DDX56: variants seen among roughly 807,000 people sequenced by gnomAD.
The protein encoded by DDX56 is DEAD-box helicase 56, also known as probable ATP-dependent RNA helicase DDX56.
DDX56 carries 45 observed loss-of-function variants against 61.5 expected under a neutral mutation model. The ratio of observed to expected loss-of-function variants is 0.73; its 90% CI spans 0.58 to 0.94. DDX56 has a LOEUF of 0.94. Among genes scored for constraint, DDX56 ranks in the 40% least tolerant of loss-of-function variants. DDX56 has a pLI of 0.00. For missense variants in DDX56, 708 were observed against 690.7 expected (o/e 1.02, Z -0.28); for synonymous variants, 273 against 268.3 (o/e 1.02, Z -0.17).
intron 5 of DDX56, among the ~76,000 whole-genome samples, chr7:44,571,973 G>A (rs1802686783): frequency 6.6e-6 from 1 of 152,158 alleles, no homozygotes; most frequent in Non-Finnish European, 1.5e-5. Context: ...ACAGAACAAA[G>A]AGAAACACAT....
In DDX56 at chr7:44,571,991, G is replaced by A. The variant is rs576057154; in HGVS notation, c.646-255C>T. On this transcript the variant is annotated intron_variant, in intron 5 of 13. Transcript: ENST00000258772. Reference sequence around the variant, plus strand: ...GAACAAAGAGAAACACATCAATAAAGGACTACATTGAGAAGGGAAGGCCTA... The same window carrying A: ...GAACAAAGAGAAACACATCAATAAAAGACTACATTGAGAAGGGAAGGCCTA... 7.2e-5 allele frequency among the ~76,000 whole-genome samples: 11 copies of A among 152,284 alleles called. No individual in the cohort carries two copies. The South Asian group carries it at 2.1e-3, about 29-fold the overall frequency.
At chr7:44,569,501 G>A (rs1471383319) in intron 9 of DDX56, among the ~76,000 whole-genome samples, 2 of 152,162 alleles carry the variant, frequency 1.3e-5, no homozygotes, top group African/African-American at 2.4e-5. Context: ...CCCCCATGAC[G>A]ACGGCCACAG....
Position 44,569,844 on chromosome 7 carries a change from A to G in DDX56, c.1184T>C (p.Phe395Ser). 1 of 1,610,426 alleles carries G rather than the reference A, an allele frequency of 6.2e-7. No homozygotes were observed. The highest frequency in any genetic ancestry group is 1.7e-4 in the Middle Eastern group (1 of 6,060). ...AAGCTCCTCAATCTTGCCTAAGTGG[A>G]ACTGCTCCGTGGGAAGCACAAAGGT... The part of the protein sequence containing the change: ...VLTFVLPTEQ[F>S]HLGKIEELLS... Residue 395 changes from phenylalanine to serine, a missense_variant, in exon 9 of 14, where the codon TTC (phenylalanine) becomes TCC (serine). Phe to Ser is a radical substitution (Grantham distance 155). Coordinates refer to ENST00000258772, the MANE Select transcript of DDX56 (RefSeq NM_019082.4).
Position 44,569,276 on chromosome 7 carries a change from C to T in DDX56, c.1220-73G>A, listed in dbSNP as rs776554300. Reference sequence around the variant, plus strand: ...TAGGGTCTTCATTGGAGGCCTCCTGCACCTCCCCCTTGGGGGAAAGCAGCA... The same window carrying T: ...TAGGGTCTTCATTGGAGGCCTCCTGTACCTCCCCCTTGGGGGAAAGCAGCA... On this transcript the variant is annotated intron_variant, in intron 9 of 13. Transcript: ENST00000258772. 1.5e-3 allele frequency: 2,118 copies of T among 1,419,206 alleles called. 7 individuals carry two copies. The highest frequency in any genetic ancestry group is 1.6e-3 in the Non-Finnish European group (1,685 of 1,022,600). The allele number at this position is 1,419,206 out of a possible 1,614,324, so 87.9% of individuals were successfully genotyped here. A position where few individuals can be genotyped will look rare whatever the true frequency, so the allele number is the denominator to read the frequency against.
rs1802581119 is a variant in DDX56 at position 44,567,868 on chromosome 7, C to T, written c.1489+250G>A. On this transcript the variant is annotated intron_variant, in intron 12 of 13. Transcript: ENST00000258772. ...GACCTGGCCTGAAATGCTGGGTCTG[C>T]CACCCACCCTGCACTACCTCAATTT... 7.4e-6 allele frequency: 4 copies of T among 542,564 alleles called. No individual in the cohort carries two copies. The Admixed American group carries it at 1.3e-4, about 17-fold the overall frequency. The allele number at this position is 542,564 out of a possible 1,614,324, so 33.6% of individuals were successfully genotyped here.
rs1454837291 is a variant in DDX56 at position 44,572,752 on chromosome 7, T to C, written c.384-8A>G. ...TTCTCCATCAGCACAGCTCTGGAGG[T>C]GGACAAGACATCAGTATCAGGCAGA... On this transcript the variant is annotated splice_polypyrimidine_tract_variant and splice_region_variant and intron_variant, in intron 3 of 13. Transcript: ENST00000258772. The C allele has an allele frequency of 6.2e-7, 1 of 1,613,998 alleles. No homozygotes were observed. The highest frequency in any genetic ancestry group is 1.1e-5 in the South Asian group (1 of 91,076).
Position 44,565,846 on chromosome 7 carries a change from G to A in DDX56, c.*156C>T. On this transcript the variant is annotated 3_prime_UTR_variant, in exon 14 of 14. Coordinates refer to ENST00000258772, the MANE Select transcript of DDX56 (RefSeq NM_019082.4). ...TTATTCTGTTGTCAAGGGGCAAGAT[G>A]CCAGCTTGGAAGTGCCAAGGAGCTA... 1.5e-6 allele frequency: 1 copy of A among 651,628 alleles called. No individual in the cohort carries two copies. The highest frequency in any genetic ancestry group is 2.8e-6 in the Non-Finnish European group (1 of 360,532). The allele number at this position is 651,628 out of a possible 1,614,324, so 40.4% of individuals were successfully genotyped here.
At position 44,569,842 on chromosome 7, in the gene DDX56, G is replaced by C. The variant is rs1167834737; in HGVS notation, c.1186C>G (p.His396Asp). 1 of 1,610,348 alleles carries C rather than the reference G, an allele frequency of 6.2e-7. No homozygotes were observed. Among genetic ancestry groups the C allele is most frequent in the Admixed American group, 1.7e-5 (1 of 59,646 alleles). ...AGAAGCTCCTCAATCTTGCCTAAGT[G>C]GAACTGCTCCGTGGGAAGCACAAAG... ...LTFVLPTEQF[H>D]LGKIEELLSG... Residue 396 changes from histidine to aspartate, a missense_variant, in exon 9 of 14, where the codon CAC becomes GAC. His to Asp is a moderately conservative substitution (Grantham distance 81, BLOSUM62 -1). Coordinates refer to ENST00000258772, the MANE Select transcript of DDX56 (RefSeq NM_019082.4).
intron 11 of DDX56, among the ~76,000 whole-genome samples, chr7:44,568,426 T>G (rs918582552): frequency 1.3e-5 from 2 of 152,124 alleles, no homozygotes; most frequent in East Asian, 1.9e-4. Context: ...TACCCCTTTT[T>G]GCTGGGCATC....
Position 44,571,613 on chromosome 7 carries a change from T to G in DDX56, c.769A>C (p.Ile257Leu). The change falls in exon 6 of 14, where the codon ATT becomes CTT. Residue 257 changes from isoleucine (I) to leucine (L), a missense_variant. Ile to Leu is a conservative substitution (Grantham distance 5, BLOSUM62 2). Coordinates refer to ENST00000258772, the MANE Select transcript of DDX56 (RefSeq NM_019082.4). ...ACAAAGAGCAGAGACTTGCCCCGAA[T>G]CAATGACAGCTTGAGCAGGGCATAC... ...LLYALLKLSLIRGKSLLFVNT... is the reference protein window; with the variant it reads ...LLYALLKLSLLRGKSLLFVNT... 1 of 1,614,138 alleles carries G rather than the reference T, an allele frequency of 6.2e-7. No homozygotes were observed. Among genetic ancestry groups the G allele is most frequent in the East Asian group, 2.2e-5 (1 of 44,886 alleles).
intron 13 of DDX56, 152 bp from the exon 14 acceptor site, chr7:44,566,231 G>A (rs1802531971): frequency 2.9e-6 from 2 of 680,590 alleles, no homozygotes; most frequent in South Asian, 3.6e-5. Context: ...ATGGGGAAAG[G>A]CAGCTGGGGA....
chr7:44,572,745 C>A lies in DDX56; in HGVS notation c.384-1G>T. 6.2e-7 allele frequency: 1 copy of A among 1,614,138 alleles called. No individual in the cohort carries two copies. The highest frequency in any genetic ancestry group is 8.5e-7 in the Non-Finnish European group (1 of 1,179,960). ...ATCTGGCTTCTCCATCAGCACAGCTCTGGAGGTGGACAAGACATCAGTATC... is the reference window on the plus strand; with the variant it reads ...ATCTGGCTTCTCCATCAGCACAGCTATGGAGGTGGACAAGACATCAGTATC... On this transcript the variant is annotated splice_acceptor_variant, in intron 3 of 13. Coordinates refer to ENST00000258772, the MANE Select transcript of DDX56 (RefSeq NM_019082.4). LOFTEE classifies it high-confidence loss of function.
chr7:44,572,108 G>A (rs373640984), intron 5 of DDX56, among the ~76,000 whole-genome samples: 9 of 152,324 alleles, frequency 5.9e-5, no homozygotes, highest in African/African-American at 2.2e-4. Flanking sequence ...GCCCCTTAGG[G>A]GAGGTCCTTG....
At chr7:44,568,860 A>C in intron 11 of DDX56, 43 bp downstream of exon 11, 16 of 1,497,676 alleles carry the variant, frequency 1.1e-5, no homozygotes, top group Non-Finnish European at 1.5e-5. Context: ...CAAAAAGGGC[A>C]GCCGTCTAAG....
At position 44,570,081 on chromosome 7, in the gene DDX56, T is replaced by C. The variant is rs756825151; in HGVS notation, c.1058A>G (p.His353Arg). The change falls in exon 8 of 14, where the codon CAT (histidine) becomes CGT (arginine). Residue 353 changes from histidine (H) to arginine (R), a missense_variant. His to Arg is a conservative substitution (Grantham distance 29). Coordinates refer to ENST00000258772, the MANE Select transcript of DDX56 (RefSeq NM_019082.4). The stretch of plus-strand genomic sequence containing the variant: ...ATCAAAGTTGAGCACAGCAGACACA[T>C]GGTGGAAGTCTATGCCCCGGGCCAC... ...AGVARGIDFH[H>R]VSAVLNFDLP... 4 of 1,613,996 alleles carry C rather than the reference T, an allele frequency of 2.5e-6. No homozygotes were observed. The highest frequency in any genetic ancestry group is 3.4e-6 in the Non-Finnish European group (4 of 1,180,018).
chr7:44,572,563 C>T lies in DDX56; in HGVS notation c.554+11G>A, dbSNP rs371490108. ...TGTTTCCACTAGGAATCACACCCAC[C>T]TCTGCCTTACCAGAGGAGACTCTTG... is the stretch of plus-strand genomic sequence containing the variant. On this transcript the variant is annotated intron_variant, in intron 4 of 13. Transcript: ENST00000258772. 2 of 1,613,880 alleles carry T rather than the reference C, an allele frequency of 1.2e-6. No homozygotes were observed. Among genetic ancestry groups the T allele is most frequent in the South Asian group, 1.1e-5 (1 of 91,088 alleles).
intron 13 of DDX56, 126 bp downstream of exon 13, chr7:44,566,322 C>CCTCTTCCCCTCCCTAGGGCACCCT: frequency 2.1e-6 from 2 of 952,046 alleles, no homozygotes; most frequent in South Asian, 2.8e-5. Context: ...TAGGGTGCCC[C>CCTCTTCCCCTCCCTAGGGCACCCT]CTCTTCCCCT....
intron 6 of DDX56, 73 bp from the exon 7 acceptor site, chr7:44,570,950 C>A: frequency 1.3e-6 from 2 of 1,526,198 alleles, no homozygotes; most frequent in South Asian, 2.4e-5. Context: ...CCTAGTATCA[C>A]AGTAACCATC....
intron 11 of DDX56, 140 bp from the exon 12 acceptor site, chr7:44,568,363 G>A (rs958098163): frequency 3.7e-5 from 23 of 627,726 alleles, no homozygotes; most frequent in East Asian, 1.4e-4. Flanking sequence ...AGAACCTCCC[G>A]GGAGTGGATG....
Sources: gnomAD v4.1 joint callset for allele counts (sites outside exome capture counted in the v4.1 genomes callset) on GRCh38, gnomAD v4.1.1 for gene constraint, MANE v1.5 for transcripts, NCBI Gene and HGNC (gene_info 2026-07-23, HGNC 2026-07-21) for gene names.